PARD3B: variants seen among roughly 807,000 people sequenced by gnomAD.
PARD3B encodes the protein partitioning defective 3 homolog B.
PARD3B carries 103 observed loss-of-function variants against 130.2 expected under a neutral mutation model. The ratio of observed to expected loss-of-function variants is 0.79; its 90% CI spans 0.67 to 0.93. The LOEUF is 0.93. Among genes scored for constraint, PARD3B ranks in the 40% least tolerant of loss-of-function variants. PARD3B has a pLI of 0.00. For synonymous variants in PARD3B, 583 were observed against 553.2 expected, an observed-to-expected ratio of 1.05 and a Z score of -0.76; for missense variants, 1,609 against 1,499.2, an observed-to-expected ratio of 1.07 and a Z score of -1.21.
At chr2:205,613,257 G>T (rs1240762401) in intron 22 of PARD3B, among the ~76,000 whole-genome samples, 2 of 152,170 alleles carry the variant, frequency 1.3e-5, no homozygotes, top group East Asian at 3.9e-4. Context: ...TATCCTAAGG[G>T]CTTAAAATGA....
At chr2:205,354,256 C>T (rs1402441376) in intron 18 of PARD3B, among the ~76,000 whole-genome samples, 2 of 151,276 alleles carry the variant, frequency 1.3e-5, no homozygotes, top group Non-Finnish European at 2.9e-5. Flanking sequence ...GGTTAGGATT[C>T]GGCACTCTCA....
chr2:205,337,902 C>T (rs2043371301), intron 18 of PARD3B, among the ~76,000 whole-genome samples: 1 of 152,102 alleles, frequency 6.6e-6, no homozygotes, highest in African/African-American at 2.4e-5. Flanking sequence ...GTAAGCCCAG[C>T]AGTTTGGGAG....
At chr2:204,670,156 A>G (rs1169857378) in intron 1 of PARD3B, among the ~76,000 whole-genome samples, 1 of 152,200 alleles carries the variant, frequency 6.6e-6, no homozygotes, top group African/African-American at 2.4e-5. Context: ...TTTTAAAATC[A>G]AAGTAATGCT....
chr2:205,347,594 A>G (rs1357163282), intron 18 of PARD3B, among the ~76,000 whole-genome samples: 4 of 152,224 alleles, frequency 2.6e-5, no homozygotes, highest in African/African-American at 7.2e-5. Flanking sequence ...ATCCTAGGAT[A>G]CTTTACTTAG....
intron 2 of PARD3B, among the ~76,000 whole-genome samples, chr2:204,733,776 TAAGTG>T (rs574387023): frequency 1.3e-5 from 2 of 152,084 alleles, no homozygotes; most frequent in African/African-American, 4.8e-5. Flanking sequence ...TCTAGATAAT[TAAGTG>T]GAGGGAAAGG....
intron 2 of PARD3B, among the ~76,000 whole-genome samples, chr2:204,811,146 C>T (rs937718362): frequency 3.3e-5 from 5 of 151,968 alleles, no homozygotes; most frequent in Non-Finnish European, 7.4e-5. Flanking sequence ...TTTGTGGGGT[C>T]AGTGGTAACA....
chr2:204,963,830 G>A (rs1690961290), intron 2 of PARD3B, among the ~76,000 whole-genome samples: 1 of 152,170 alleles, frequency 6.6e-6, no homozygotes, highest in African/African-American at 2.4e-5. Flanking sequence ...AATGCCTTGG[G>A]AGTAGCATTT....
intron 3 of PARD3B, among the ~76,000 whole-genome samples, chr2:204,976,344 G>A (rs541811208): frequency 5.3e-5 from 8 of 152,154 alleles, no homozygotes; most frequent in Admixed American, 1.3e-4. Flanking sequence ...CATGATTTTC[G>A]GCAAGTTACT....
Position 204,980,762 on chromosome 2 carries a change from GAAC to G in PARD3B, c.394+15445_394+15447del, listed in dbSNP as rs1311593383. On this transcript the variant is annotated intron_variant, in intron 3 of 22. Transcript: ENST00000406610. ...GTCCTCTTCACAAAGTCAAGGTCATGAACAACAAGGAAAGATTGAAAAACTGTT... is the reference window on the plus strand; with the variant it reads ...GTCCTCTTCACAAAGTCAAGGTCATGAACAAGGAAAGATTGAAAAACTGTT... Among the ~76,000 whole-genome samples, 8 of 152,234 alleles carry G rather than the reference GAAC, an allele frequency of 5.3e-5. No individual in the cohort carries two copies. The East Asian group carries it at 1.5e-3, about 29-fold the overall frequency.
chr2:205,059,752 C>T (rs1010091573), intron 4 of PARD3B, among the ~76,000 whole-genome samples: 1 of 152,004 alleles, frequency 6.6e-6, no homozygotes, highest in Non-Finnish European at 1.5e-5. Context: ...ATCACGATTG[C>T]TCATTTCAAC....
intron 18 of PARD3B, among the ~76,000 whole-genome samples, chr2:205,302,162 G>A (rs1325768731): frequency 7.6e-6 from 1 of 131,468 alleles, no homozygotes; most frequent in Non-Finnish European, 1.5e-5. Flanking sequence ...TCCGCCTCCT[G>A]GGTTCAAGCG....
chr2:205,357,155 A>G (rs1009734245), intron 18 of PARD3B, among the ~76,000 whole-genome samples: 1 of 152,210 alleles, frequency 6.6e-6, no homozygotes, highest in Non-Finnish European at 1.5e-5. Context: ...ACTACCTGCT[A>G]TTAATAAATA....
rs188947721 is a variant in PARD3B at position 205,195,064 on chromosome 2, G to A, written c.2140+1744G>A. 6.5e-3 allele frequency among the ~76,000 whole-genome samples: 982 copies of A among 150,980 alleles called. 9 individuals are homozygous for A. Among genetic ancestry groups the A allele is most frequent in the African/African-American group, 0.022 (912 of 41,030 alleles). Reference sequence around the variant, plus strand: ...TCCACCCACCTTGGCCTCCCAAAGTGCTGGGATTACAGGCGTGAGCCACCG... The same window carrying A: ...TCCACCCACCTTGGCCTCCCAAAGTACTGGGATTACAGGCGTGAGCCACCG... On this transcript the variant is annotated intron_variant, in intron 15 of 22. Coordinates refer to ENST00000406610, the MANE Select transcript of PARD3B (RefSeq NM_001302769.2).
At chr2:204,651,358 G>A (rs947265399) in intron 1 of PARD3B, among the ~76,000 whole-genome samples, 1 of 152,190 alleles carries the variant, frequency 6.6e-6, no homozygotes, top group African/African-American at 2.4e-5. Context: ...CAAAGAAAGG[G>A]GCTGTTGGCC....
chr2:204,778,196 C>G (rs1038021337), intron 2 of PARD3B, among the ~76,000 whole-genome samples: 1 of 150,988 alleles, frequency 6.6e-6, no homozygotes, highest in African/African-American at 2.4e-5. Context: ...TATTCTGCTT[C>G]CTTGTGGTCT....
At chr2:205,475,820 G>T (rs1043114227) in intron 20 of PARD3B, among the ~76,000 whole-genome samples, 1 of 152,166 alleles carries the variant, frequency 6.6e-6, no homozygotes, top group Non-Finnish European at 1.5e-5. Flanking sequence ...CATCATATTT[G>T]TTGTGATAGT....
At chr2:205,279,714 A>C (rs184400229) in intron 16 of PARD3B, among the ~76,000 whole-genome samples, 60 of 152,216 alleles carry the variant, frequency 3.9e-4, no homozygotes, top group African/African-American at 1.4e-3. Context: ...GTTGCTTTTG[A>C]TGGTTCAGCC....
intron 4 of PARD3B, among the ~76,000 whole-genome samples, chr2:205,052,899 T>C (rs887166346): frequency 2.0e-5 from 3 of 152,058 alleles, no homozygotes; most frequent in Non-Finnish European, 2.9e-5. Flanking sequence ...AACTCTAAGA[T>C]TGGGGGTAAA....
intron 2 of PARD3B, among the ~76,000 whole-genome samples, chr2:204,727,928 G>A (rs1345272310): frequency 1.3e-5 from 2 of 152,130 alleles, no homozygotes; most frequent in African/African-American, 2.4e-5. Context: ...AGGAAGGAAT[G>A]CTGGTGGGTT....
Sources: gnomAD v4.1 joint callset for allele counts (sites outside exome capture counted in the v4.1 genomes callset) on GRCh38, gnomAD v4.1.1 for gene constraint, MANE v1.5 for transcripts, NCBI Gene and HGNC (gene_info 2026-07-23, HGNC 2026-07-21) for gene names.